The following SPECC1 variants were observed in gnomAD, a reference collection of about 807,000 sequenced individuals.
The protein encoded by SPECC1 is sperm antigen with calponin homology and coiled-coil domains 1, also known as cytospin-B.
SPECC1 carries 62 observed loss-of-function variants against 104.1 expected under a neutral mutation model. The observed-to-expected ratio is 0.60, with a 90% CI of 0.49 to 0.74. The LOEUF (loss-of-function observed/expected upper bound fraction) is 0.74, where lower values mean the gene tolerates loss of function less well. Among genes scored for constraint, SPECC1 ranks in the 30% least tolerant of loss-of-function variants. The pLI, the probability that SPECC1 is intolerant of heterozygous loss-of-function variation, is 0.00. For missense variants in SPECC1, 1,306 were observed against 1,310.5 expected, an observed-to-expected ratio of 1.00 and a Z score of 0.05; for synonymous variants, 513 against 501.6, an observed-to-expected ratio of 1.02 and a Z score of -0.30.
At chr17:20,207,376 G>A (rs2036857134) in intron 4 of SPECC1, among the ~76,000 whole-genome samples, 1 of 152,158 alleles carries the variant, frequency 6.6e-6, no homozygotes, top group African/African-American at 2.4e-5. Context: ...TTCCATTAGA[G>A]GTTACTAGTC....
At chr17:20,303,764 C>T (rs2041668384) in intron 13 of SPECC1, among the ~76,000 whole-genome samples, 1 of 151,846 alleles carries the variant, frequency 6.6e-6, no homozygotes. Flanking sequence ...ACCAGCCTGG[C>T]CAATGTGGTG....
chr17:20,087,915 C>T (rs1157274676), intron 1 of SPECC1, among the ~76,000 whole-genome samples: 5 of 152,072 alleles, frequency 3.3e-5, no homozygotes, highest in Admixed American at 3.3e-4. Flanking sequence ...AGAGGAAGCA[C>T]CTTGGAGCAG....
At chr17:20,249,507 C>T (rs1428482002) in intron 9 of SPECC1, among the ~76,000 whole-genome samples, 1 of 152,012 alleles carries the variant, frequency 6.6e-6, no homozygotes, top group East Asian at 1.9e-4. Context: ...ACAATAGAAA[C>T]AGACACGGAA....
In SPECC1 at chr17:20,204,442, A is replaced by G; in HGVS notation, c.393A>G (p.Ser131=). ...VPRGPSNPRK[S]VSSPTSSNTP... ...GTGGTCCCTCCAACCCCAGGAAATC[A>G]GTGTCCAGTCCAACTTCTTCCAACA... Residue 131 remains serine, a synonymous_variant, in exon 4 of 15, where the codon TCA becomes TCG. Transcript: ENST00000395527. 6.2e-7 allele frequency: 1 copy of G among 1,614,160 alleles called. No homozygotes were observed. The highest frequency in any genetic ancestry group is 2.2e-5 in the East Asian group (1 of 44,884).
chr17:20,247,373 G>C (rs950423809), intron 9 of SPECC1, 54 bp downstream of exon 9: 1 of 1,340,214 alleles, frequency 7.5e-7, no homozygotes, highest in Non-Finnish European at 1.1e-6. Context: ...TATCCCTCTA[G>C]ATGTTTTTCT....
chr17:20,301,557 A>C (rs2041584489), intron 13 of SPECC1, among the ~76,000 whole-genome samples: 1 of 152,200 alleles, frequency 6.6e-6, no homozygotes, highest in Non-Finnish European at 1.5e-5. Flanking sequence ...AGGTGTCCCC[A>C]CCTGGATGGA....
At position 20,136,297 on chromosome 17, in the gene SPECC1, G is replaced by A. The variant is rs138293083; in HGVS notation, c.283+25735G>A. ...AAATTAGCCAGGCATAGTGGCGCAC[G>A]TCTGTTAATCCCAGCTACTCAGGAG... On this transcript the variant is annotated intron_variant, in intron 3 of 14. Coordinates refer to ENST00000395527, the MANE Select transcript of SPECC1 (RefSeq NM_001243439.2). Among the ~76,000 whole-genome samples the A allele has an allele frequency of 4.2e-3, 644 of 151,968 alleles. 3 individuals carry two copies. The highest frequency in any genetic ancestry group is 0.014 in the African/African-American group (563 of 41,452).
chr17:20,061,737 T>C (rs1404562138), intron 1 of SPECC1, among the ~76,000 whole-genome samples: 2 of 152,216 alleles, frequency 1.3e-5, no homozygotes, highest in Non-Finnish European at 2.9e-5. Context: ...CTGACTTCAG[T>C]CCCATTTTTC....
At chr17:20,127,353 A>G (rs570144055) in intron 3 of SPECC1, among the ~76,000 whole-genome samples, 48 of 151,692 alleles carry the variant, frequency 3.2e-4, no homozygotes, top group Middle Eastern at 3.5e-3. Context: ...GTGATCACCT[A>G]TCTTTACAGA....
chr17:20,223,560 C>CT (rs924977163), intron 4 of SPECC1, among the ~76,000 whole-genome samples: 1 of 151,834 alleles, frequency 6.6e-6, no homozygotes, highest in African/African-American at 2.4e-5. Context: ...GTAATCCCAG[C>CT]TACTCAGGAG....
chr17:20,292,602 C>T (rs1309830230), intron 12 of SPECC1, among the ~76,000 whole-genome samples: 1 of 152,134 alleles, frequency 6.6e-6, no homozygotes, highest in African/African-American at 2.4e-5. Flanking sequence ...ACCTACAAAC[C>T]TCTTCAGAAA....
chr17:20,312,938 T>C (rs1313786205), intron 14 of SPECC1, among the ~76,000 whole-genome samples: 1 of 152,226 alleles, frequency 6.6e-6, no homozygotes, highest in Admixed American at 6.5e-5. Flanking sequence ...ACTGATGTGC[T>C]AAGTTCAGCC....
chr17:20,047,460 C>T (rs768001250), intron 1 of SPECC1, among the ~76,000 whole-genome samples: 1 of 152,186 alleles, frequency 6.6e-6, no homozygotes, highest in Non-Finnish European at 1.5e-5. Flanking sequence ...ATATGCTAAA[C>T]CCTTTCAAGC....
chr17:20,131,944 A>G (rs9898080), intron 3 of SPECC1, among the ~76,000 whole-genome samples: 87,304 of 152,072 alleles, frequency 0.57, 25,715 homozygotes, highest in Middle Eastern at 0.63. Flanking sequence ...GAGCCACTGC[A>G]TCCGGCCAAG....
At chr17:20,219,075 A>C (rs2037694676) in intron 4 of SPECC1, among the ~76,000 whole-genome samples, 1 of 152,174 alleles carries the variant, frequency 6.6e-6, no homozygotes, top group Non-Finnish European at 1.5e-5. Context: ...GTTGATTCCA[A>C]GTCTTGGCTA....
At chr17:20,104,758 A>AG (rs1255178143) in intron 2 of SPECC1, among the ~76,000 whole-genome samples, 1 of 150,166 alleles carries the variant, frequency 6.7e-6, no homozygotes, top group Non-Finnish European at 1.5e-5. Context: ...AAAAAAAAAA[A>AG]AAAAAAAAGA....
chr17:20,041,146 A>G (rs1409108517), intron 1 of SPECC1, among the ~76,000 whole-genome samples: 2 of 151,902 alleles, frequency 1.3e-5, no homozygotes, highest in Non-Finnish European at 2.9e-5. Flanking sequence ...GTTGAAGTTC[A>G]CTGATTATTT....
intron 3 of SPECC1, among the ~76,000 whole-genome samples, chr17:20,139,986 T>C (rs2030567207): frequency 6.6e-6 from 1 of 152,176 alleles, no homozygotes; most frequent in African/African-American, 2.4e-5. Context: ...CTTCTTTTTA[T>C]TTCTTTTGCA....
intron 3 of SPECC1, among the ~76,000 whole-genome samples, chr17:20,193,799 AAGCTGATATAGGGTTGTT>A (rs1314005071): frequency 1.3e-5 from 2 of 152,228 alleles, no homozygotes; most frequent in Non-Finnish European, 2.9e-5. Flanking sequence ...TGTTGGAATT[AAGCTGATATAGGGTTGTT>A]AGCTGATTGT....
Sources: gnomAD v4.1 joint callset for allele counts (sites outside exome capture counted in the v4.1 genomes callset) on GRCh38, gnomAD v4.1.1 for gene constraint, MANE v1.5 for transcripts, NCBI Gene and HGNC (gene_info 2026-07-23, HGNC 2026-07-21) for gene names.